PTPRQ: variants seen among roughly 807,000 people sequenced by gnomAD.
The protein encoded by PTPRQ is phosphatidylinositol phosphatase PTPRQ.
PTPRQ carries 199 observed loss-of-function variants against 246.0 expected under a neutral mutation model. That is an observed-to-expected ratio of 0.81 (90% confidence interval 0.72 to 0.91). The LOEUF (loss-of-function observed/expected upper bound fraction) is 0.91, where lower values mean the gene tolerates loss of function less well. PTPRQ is among the 40% of genes least tolerant of loss of function. The pLI, the probability that PTPRQ is intolerant of heterozygous loss-of-function variation, is 0.00. For synonymous variants in PTPRQ, 869 were observed against 853.2 expected (o/e 1.02, Z -0.32); for missense variants, 2,624 against 2,528.4 (o/e 1.04, Z -0.81).
chr12:80,675,116 A>G (rs546995655), intron 43 of PTPRQ, among the ~76,000 whole-genome samples: 107 of 152,278 alleles, frequency 7.0e-4, no homozygotes, highest in African/African-American at 2.5e-3. Context: ...CCCTTCCCCC[A>G]GGATTCAGAA....
At chr12:80,506,277 G>A (rs2120697415) in intron 15 of PTPRQ, 71 bp downstream of exon 15, 2 of 1,368,588 alleles carry the variant, frequency 1.5e-6, no homozygotes, top group Non-Finnish European at 1.9e-6. Flanking sequence ...TTAGTTTAAT[G>A]TTAATAGTTT....
chr12:80,601,432 T>A (rs1898139754), intron 26 of PTPRQ, among the ~76,000 whole-genome samples: 1 of 151,836 alleles, frequency 6.6e-6, no homozygotes, highest in African/African-American at 2.4e-5. Flanking sequence ...TGTATGAGCT[T>A]TTTGTCCTCT....
Position 80,613,818 on chromosome 12 carries a change from A to T in PTPRQ, c.5145A>T (p.Gly1715=), listed in dbSNP as rs2121110528. The part of the protein sequence containing the change: ...VIAMLEGLKG[G]HTYNISVYAV... ...CAATGCTAGAAGGACTAAAAGGTGG[A>T]CATACATACAATATCAGTGTAAGAA... The change falls in exon 29 of 45, where the codon GGA becomes GGT. Residue 1715 remains glycine (G), a synonymous_variant. Transcript: ENST00000644991. The T allele has an allele frequency of 6.5e-7, 1 of 1,536,198 alleles. No homozygotes were observed. Among genetic ancestry groups the T allele is most frequent in the Non-Finnish European group, 8.8e-7 (1 of 1,138,806 alleles).
At chr12:80,660,468 G>A (rs1437870768) in intron 39 of PTPRQ, among the ~76,000 whole-genome samples, 1 of 152,018 alleles carries the variant, frequency 6.6e-6, no homozygotes, top group Non-Finnish European at 1.5e-5. Flanking sequence ...AGGAAGAAGT[G>A]ATATTGCAGC....
At chr12:80,624,711 G>T (rs939117779) in intron 33 of PTPRQ, among the ~76,000 whole-genome samples, 58 of 152,240 alleles carry the variant, frequency 3.8e-4, no homozygotes, top group African/African-American at 1.3e-3. Flanking sequence ...ATGGAGATTA[G>T]AGTCACTTTC....
At chr12:80,662,601 CA>C (rs1900666790) in intron 39 of PTPRQ, among the ~76,000 whole-genome samples, 1 of 151,974 alleles carries the variant, frequency 6.6e-6, no homozygotes. Context: ...CTGAATTACA[CA>C]TTGGAAGCAT....
intron 25 of PTPRQ, among the ~76,000 whole-genome samples, chr12:80,559,096 G>C (rs555271225): frequency 1.3e-5 from 2 of 152,312 alleles, no homozygotes; most frequent in Non-Finnish European, 2.9e-5. Context: ...CCGGGGTGGA[G>C]TGCAGTGGCG....
In PTPRQ at chr12:80,610,604, A is replaced by G; in HGVS notation, c.4897A>G (p.Ile1633Val). Reference sequence around the variant, plus strand: ...AGAAGGGAAGTCAAGTGCTGAAATGATTGTTACTACTTTAGAATCAGGTAA... The same window carrying G: ...AGAAGGGAAGTCAAGTGCTGAAATGGTTGTTACTACTTTAGAATCAGGTAA... ...YVEGKSSAEM[I>V]VTTLESAPKD... The change falls in exon 28 of 45, where the codon ATT becomes GTT. Residue 1633 changes from isoleucine to valine, a missense_variant. Coordinates refer to ENST00000644991, the MANE Select transcript of PTPRQ (RefSeq NM_001145026.2). The G allele has an allele frequency of 6.5e-7, 1 of 1,542,844 alleles. No homozygotes were observed. The highest frequency in any genetic ancestry group is 8.8e-7 in the Non-Finnish European group (1 of 1,140,974).
chr12:80,572,434 T>C (rs1001259946), intron 25 of PTPRQ, among the ~76,000 whole-genome samples: 3 of 152,076 alleles, frequency 2.0e-5, no homozygotes, highest in African/African-American at 7.2e-5. Flanking sequence ...TATATTAAAA[T>C]TATTGTGTCT....
Position 80,552,645 on chromosome 12 carries a change from T to TTATATATA in PTPRQ, c.4285+2953_4285+2960dup, listed in dbSNP as rs71094985. Among the ~76,000 whole-genome samples, 172 of 76,446 alleles carry TTATATATA rather than the reference T, an allele frequency of 2.2e-3. 2 individuals are homozygous for TTATATATA. The highest frequency in any genetic ancestry group is 4.1e-3 in the East Asian group (7 of 1,716). The allele number at this position is 76,446 out of a possible 152,430, so 50.2% of individuals were successfully genotyped here. A position where few individuals can be genotyped will look rare whatever the true frequency, so the allele number is the denominator to read the frequency against. On this transcript the variant is annotated intron_variant, in intron 25 of 44. Coordinates refer to ENST00000644991, the MANE Select transcript of PTPRQ (RefSeq NM_001145026.2). ...TCCAGGTCTTTGTAAAAAAAAAAAATTATATATATATATATATATATATAT... is the reference window on the plus strand; with the variant it reads ...TCCAGGTCTTTGTAAAAAAAAAAAATTATATATATATATATATATATATATATATATAT...
At chr12:80,614,314 G>A (rs1285850879) in intron 29 of PTPRQ, among the ~76,000 whole-genome samples, 1 of 150,736 alleles carries the variant, frequency 6.6e-6, no homozygotes, top group Non-Finnish European at 1.5e-5. Flanking sequence ...TATTTGGACA[G>A]AAATGTATGC....
chr12:80,556,539 T>G (rs1412777115), intron 25 of PTPRQ, among the ~76,000 whole-genome samples: 1 of 152,230 alleles, frequency 6.6e-6, no homozygotes, highest in African/African-American at 2.4e-5. Context: ...AATGTTTACT[T>G]AGATCATCTG....
chr12:80,543,637 T>A (rs186029188), intron 23 of PTPRQ, among the ~76,000 whole-genome samples: 2 of 152,278 alleles, frequency 1.3e-5, no homozygotes, highest in African/African-American at 4.8e-5. Flanking sequence ...ATTATGAGTA[T>A]TACAATTTAT....
chr12:80,564,646 T>C (rs1896926270), intron 25 of PTPRQ, among the ~76,000 whole-genome samples: 1 of 152,226 alleles, frequency 6.6e-6, no homozygotes, highest in African/African-American at 2.4e-5. Context: ...TAGATCTTCA[T>C]TGAATCTCAT....
intron 14 of PTPRQ, among the ~76,000 whole-genome samples, chr12:80,503,443 A>G (rs1894862530): frequency 6.6e-6 from 1 of 151,870 alleles, no homozygotes; most frequent in Admixed American, 6.6e-5. Flanking sequence ...CCTTGACACC[A>G]TAACCCAATA....
Position 80,558,024 on chromosome 12 carries a change from T to TCTTCCTTCCTCTCTCTCTCTTTCTTC in PTPRQ, c.4285+8314_4285+8315insTCCTTCCTTCCTCTCTCTCTCTTTCT, listed in dbSNP as rs1896694200. On this transcript the variant is annotated intron_variant, in intron 25 of 44. Coordinates refer to ENST00000644991, the MANE Select transcript of PTPRQ (RefSeq NM_001145026.2). ...TCAACCAAGTTTTTTTGTGTAGCAA[T>TCTTCCTTCCTCTCTCTCTCTTTCTTC]CTTCCTTCCTCTCTCTCTCTTTCTC... is the stretch of plus-strand genomic sequence containing the variant. Among the ~76,000 whole-genome samples the TCTTCCTTCCTCTCTCTCTCTTTCTTC allele has an allele frequency of 7.9e-5, 12 of 151,714 alleles. 1 individual carries two copies. Among genetic ancestry groups the TCTTCCTTCCTCTCTCTCTCTTTCTTC allele is most frequent in the African/African-American group, 2.9e-4 (12 of 41,424 alleles).
intron 27 of PTPRQ, among the ~76,000 whole-genome samples, chr12:80,608,671 G>A (rs2121094483): frequency 6.7e-6 from 1 of 149,892 alleles, no homozygotes; most frequent in South Asian, 2.1e-4. Context: ...TGAAAGACCT[G>A]GGCTCAAATC....
chr12:80,472,009 A>G, intron 7 of PTPRQ, 96 bp from the exon 8 acceptor site: 1 of 1,454,592 alleles, frequency 6.9e-7, no homozygotes, highest in South Asian at 1.4e-5. Context: ...TGCATAGGTT[A>G]ACACTTGAAT....
At chr12:80,542,903 A>G (rs185198586) in intron 23 of PTPRQ, 22 bp downstream of exon 23, 26 of 1,329,744 alleles carry the variant, frequency 2.0e-5, no homozygotes, top group Middle Eastern at 4.3e-4. Context: ...ATAACAGTAT[A>G]TGTTTATTTT....
Sources: gnomAD v4.1 joint callset for allele counts (sites outside exome capture counted in the v4.1 genomes callset) on GRCh38, gnomAD v4.1.1 for gene constraint, MANE v1.5 for transcripts, NCBI Gene and HGNC (gene_info 2026-07-23, HGNC 2026-07-21) for gene names.